Variants in LDLRAD4 observed in about 807,000 individuals in gnomAD.
The protein encoded by LDLRAD4 is low-density lipoprotein receptor class A domain-containing protein 4.
A neutral mutation model predicts 17.0 loss-of-function variants in LDLRAD4; 5 were observed. The ratio of observed to expected loss-of-function variants is 0.29; its 90% CI spans 0.15 to 0.62. LDLRAD4 has a LOEUF of 0.62. LDLRAD4 is among the 20% of genes least tolerant of loss of function. The pLI is 0.84. For synonymous variants in LDLRAD4, 168 were observed against 171.8 expected (o/e 0.98, Z 0.17); for missense variants, 340 against 424.7 (o/e 0.80, Z 1.75).
intron 3 of LDLRAD4, chr18:13,520,543 C>T (rs1442299321): frequency 6.6e-6 from 1 of 152,206 alleles, no homozygotes; most frequent in Non-Finnish European, 1.5e-5. Flanking sequence ...ATGGGAGACT[C>T]AGAGGGAACA....
intron 3 of LDLRAD4, among the ~76,000 whole-genome samples, chr18:13,464,717 CTTTTT>C (rs34872294): frequency 1.5e-5 from 2 of 134,748 alleles, no homozygotes; most frequent in South Asian, 4.8e-4. Flanking sequence ...CAGAGCCTGA[CTTTTT>C]TTTTTTTTTT....
intron 3 of LDLRAD4, among the ~76,000 whole-genome samples, chr18:13,583,993 T>C (rs1389118745): frequency 6.6e-6 from 1 of 152,106 alleles, no homozygotes; most frequent in Admixed American, 6.5e-5. Context: ...CTGGCTTCCC[T>C]TGAGGACCAC....
intron 4 of LDLRAD4, among the ~76,000 whole-genome samples, chr18:13,633,355 C>A (rs1364788658): frequency 6.6e-6 from 1 of 152,252 alleles, no homozygotes; most frequent in Non-Finnish European, 1.5e-5. Context: ...ATGCTTTAGG[C>A]CATTCCTGGC....
intron 3 of LDLRAD4, among the ~76,000 whole-genome samples, chr18:13,458,418 C>G (rs1341609680): frequency 3.3e-5 from 5 of 152,198 alleles, no homozygotes; most frequent in Non-Finnish European, 1.5e-5. Flanking sequence ...GGGTGTCCTG[C>G]CTGACCAGAC....
At chr18:13,330,128 A>T (rs1040004862) in intron 1 of LDLRAD4, among the ~76,000 whole-genome samples, 1 of 151,786 alleles carries the variant, frequency 6.6e-6, no homozygotes, top group African/African-American at 2.4e-5. Flanking sequence ...GCTAATTTTT[A>T]AAAATATTTT....
At chr18:13,465,308 C>G (rs1453564842) in intron 3 of LDLRAD4, among the ~76,000 whole-genome samples, 5 of 152,186 alleles carry the variant, frequency 3.3e-5, no homozygotes, top group Non-Finnish European at 7.3e-5. Flanking sequence ...TTCATTGATT[C>G]TGAAGGTCAG....
intron 3 of LDLRAD4, among the ~76,000 whole-genome samples, chr18:13,606,403 T>C (rs1275424137): frequency 6.6e-6 from 1 of 152,244 alleles, no homozygotes; most frequent in Non-Finnish European, 1.5e-5. Context: ...TAGGAAGCTA[T>C]TTTAAAGCTG....
At chr18:13,493,325 A>AT (rs2093397744) in intron 3 of LDLRAD4, among the ~76,000 whole-genome samples, 1 of 151,832 alleles carries the variant, frequency 6.6e-6, no homozygotes, top group Non-Finnish European at 1.5e-5. Context: ...TTCTTTTTCT[A>AT]TTTTTTTGCA....
intron 1 of LDLRAD4, among the ~76,000 whole-genome samples, chr18:13,270,380 A>G (rs2044463639): frequency 6.6e-6 from 1 of 151,950 alleles, no homozygotes; most frequent in Non-Finnish European, 1.5e-5. Context: ...GAAAAGGAAA[A>G]AAAGAAAAGG....
At chr18:13,454,085 C>T (rs1430726847) in intron 3 of LDLRAD4, among the ~76,000 whole-genome samples, 1 of 152,252 alleles carries the variant, frequency 6.6e-6, no homozygotes, top group African/African-American at 2.4e-5. Flanking sequence ...CCAAAAGGGG[C>T]ATCCTGCCTC....
At chr18:13,307,424 A>C (rs2046979701) in intron 1 of LDLRAD4, among the ~76,000 whole-genome samples, 1 of 152,144 alleles carries the variant, frequency 6.6e-6, no homozygotes, top group Non-Finnish European at 1.5e-5. Context: ...TAATTAAAAA[A>C]AAATTTTTTA....
At chr18:13,320,757 A>G (rs970838888) in intron 1 of LDLRAD4, among the ~76,000 whole-genome samples, 2 of 152,154 alleles carry the variant, frequency 1.3e-5, no homozygotes, top group African/African-American at 4.8e-5. Flanking sequence ...GGGCAACTCT[A>G]CGTTTGAGTA....
At chr18:13,290,902 C>A (rs1413363671) in intron 1 of LDLRAD4, among the ~76,000 whole-genome samples, 2 of 152,220 alleles carry the variant, frequency 1.3e-5, no homozygotes, top group Non-Finnish European at 2.9e-5. Flanking sequence ...TGAACAGACC[C>A]GCAGGCCCTG....
intron 2 of LDLRAD4, among the ~76,000 whole-genome samples, chr18:13,409,430 T>G (rs1465395925): frequency 6.6e-6 from 1 of 152,266 alleles, no homozygotes; most frequent in Non-Finnish European, 1.5e-5. Flanking sequence ...CTATAGATTA[T>G]TAAATAACCT....
intron 2 of LDLRAD4, among the ~76,000 whole-genome samples, chr18:13,395,074 G>A (rs67601931): frequency 0.11 from 16,626 of 152,096 alleles, 1,100 homozygotes; most frequent in East Asian, 0.23. Context: ...AGCCTGCCCC[G>A]GTCACGCCCC....
intron 3 of LDLRAD4, among the ~76,000 whole-genome samples, chr18:13,602,022 C>T (rs966212069): frequency 9.2e-5 from 14 of 152,092 alleles, no homozygotes; most frequent in East Asian, 5.8e-4. Flanking sequence ...TGGATGCAGC[C>T]GGAGGCCATT....
At chr18:13,475,465 T>A (rs1433236366) in intron 3 of LDLRAD4, among the ~76,000 whole-genome samples, 1 of 146,466 alleles carries the variant, frequency 6.8e-6, no homozygotes. Flanking sequence ...AGGTTCTTGC[T>A]GTGTTGGCCA....
At chr18:13,476,017 A>G (rs1232794296) in intron 3 of LDLRAD4, among the ~76,000 whole-genome samples, 5 of 152,108 alleles carry the variant, frequency 3.3e-5, no homozygotes, top group Non-Finnish European at 7.4e-5. Flanking sequence ...GCCTCATTAG[A>G]ATGGGGTGTT....
chr18:13,553,838 G>A (rs756771978), intron 3 of LDLRAD4, among the ~76,000 whole-genome samples: 3 of 152,078 alleles, frequency 2.0e-5, no homozygotes, highest in Non-Finnish European at 4.4e-5. Flanking sequence ...TTGGCCTTGC[G>A]AGCGTGTCTA....
Sources: gnomAD v4.1 joint callset for allele counts (sites outside exome capture counted in the v4.1 genomes callset) on GRCh38, gnomAD v4.1.1 for gene constraint, MANE v1.5 for transcripts, NCBI Gene and HGNC (gene_info 2026-07-23, HGNC 2026-07-21) for gene names.